Variants in GRM8 observed in about 807,000 individuals in gnomAD.
The protein encoded by GRM8 is metabotropic glutamate receptor 8.
Under a neutral mutation model 87.2 loss-of-function variants are expected in GRM8, and 47 were observed. The observed-to-expected ratio is 0.54, with a 90% CI of 0.43 to 0.69. The LOEUF (loss-of-function observed/expected upper bound fraction) is 0.69, where lower values mean the gene tolerates loss of function less well. GRM8 is among the 30% of genes least tolerant of loss of function. The probability of loss-of-function intolerance (pLI) is 0.00; values close to 1 mark genes in which losing one functional copy is unlikely to be tolerated. For synonymous variants in GRM8, 396 were observed against 404.5 expected (o/e 0.98, Z 0.25); for missense variants, 1,019 against 1,139.2 (o/e 0.89, Z 1.52).
At chr7:126,892,014 T>C (rs1310642791) in intron 6 of GRM8, among the ~76,000 whole-genome samples, 1 of 96,142 alleles carries the variant, frequency 1.0e-5, no homozygotes, top group Non-Finnish European at 1.9e-5. Flanking sequence ...CTCATGTTCT[T>C]GCAGGGTAAA....
At chr7:126,758,510 T>C (rs565374643) in intron 7 of GRM8, among the ~76,000 whole-genome samples, 137 of 152,052 alleles carry the variant, frequency 9.0e-4, no homozygotes, top group African/African-American at 3.3e-3. Context: ...AACAGAGAAA[T>C]ACTGGGGAGA....
chr7:126,517,941 T>C (rs1562909564), intron 9 of GRM8, among the ~76,000 whole-genome samples: 1 of 152,104 alleles, frequency 6.6e-6, no homozygotes, highest in Non-Finnish European at 1.5e-5. Context: ...ACAGCTTTTC[T>C]TGTTCCCAAT....
intron 3 of GRM8, among the ~76,000 whole-genome samples, chr7:127,073,110 C>T (rs1219924419): frequency 6.6e-6 from 1 of 152,056 alleles, no homozygotes; most frequent in East Asian, 1.9e-4. Flanking sequence ...CTTCCTCTGC[C>T]CAGAAGGCAG....
intron 3 of GRM8, among the ~76,000 whole-genome samples, chr7:126,919,070 C>T (rs1231118580): frequency 6.6e-6 from 1 of 151,870 alleles, no homozygotes; most frequent in Non-Finnish European, 1.5e-5. Context: ...TGAAAAGCAG[C>T]TTAGCTTGTT....
At chr7:126,888,507 C>T (rs1800704770) in intron 6 of GRM8, among the ~76,000 whole-genome samples, 1 of 152,138 alleles carries the variant, frequency 6.6e-6, no homozygotes, top group African/African-American at 2.4e-5. Context: ...CCTTCCTTCT[C>T]TAATGTCCTC....
chr7:126,501,522 G>A (rs1221120129), intron 9 of GRM8, among the ~76,000 whole-genome samples: 4 of 151,980 alleles, frequency 2.6e-5, no homozygotes, highest in African/African-American at 9.7e-5. Flanking sequence ...GAAGAAAGAG[G>A]AAAAGACAAT....
chr7:126,688,095 C>T (rs1388794317), intron 7 of GRM8, among the ~76,000 whole-genome samples: 1 of 152,068 alleles, frequency 6.6e-6, no homozygotes, highest in Non-Finnish European at 1.5e-5. Flanking sequence ...CTTTGTTTTT[C>T]ACTGTCTGAA....
At chr7:126,625,618 T>C (rs1170824881) in intron 7 of GRM8, among the ~76,000 whole-genome samples, 2 of 152,206 alleles carry the variant, frequency 1.3e-5, no homozygotes, top group Non-Finnish European at 2.9e-5. Flanking sequence ...AATAGCACTA[T>C]TTGAGAAACA....
At chr7:127,185,703 T>C (rs1794696335) in intron 2 of GRM8, among the ~76,000 whole-genome samples, 1 of 152,190 alleles carries the variant, frequency 6.6e-6, no homozygotes, top group Non-Finnish European at 1.5e-5. Flanking sequence ...GTCAATATTG[T>C]TTAAGAGAAC....
chr7:126,658,950 C>A (rs550319273), intron 7 of GRM8, among the ~76,000 whole-genome samples: 1 of 151,958 alleles, frequency 6.6e-6, no homozygotes, highest in Non-Finnish European at 1.5e-5. Context: ...GACAAGCGGC[C>A]GCTACAGTCA....
At chr7:127,141,616 T>A (rs1474730523) in intron 2 of GRM8, among the ~76,000 whole-genome samples, 4 of 152,250 alleles carry the variant, frequency 2.6e-5, no homozygotes, top group Admixed American at 2.0e-4. Flanking sequence ...CTACCTCATC[T>A]CCTTCCTTCT....
intron 6 of GRM8, among the ~76,000 whole-genome samples, chr7:126,820,755 C>G (rs532161206): frequency 6.6e-6 from 1 of 152,178 alleles, no homozygotes; most frequent in East Asian, 1.9e-4. Flanking sequence ...AATTTCCAAC[C>G]CTGCCATCTT....
chr7:127,015,208 G>T (rs1456011635), intron 3 of GRM8, among the ~76,000 whole-genome samples: 1 of 118,062 alleles, frequency 8.5e-6, no homozygotes, highest in African/African-American at 3.5e-5. Context: ...AGAAGAAGAA[G>T]AAGAAGAAGA....
intron 9 of GRM8, among the ~76,000 whole-genome samples, chr7:126,494,515 A>G (rs1466547158): frequency 6.6e-6 from 1 of 152,014 alleles, no homozygotes; most frequent in Non-Finnish European, 1.5e-5. Context: ...ATAAACAAAA[A>G]CAGTAAAATA....
intron 2 of GRM8, among the ~76,000 whole-genome samples, chr7:127,145,004 C>T (rs1278264950): frequency 6.6e-6 from 1 of 152,010 alleles, no homozygotes; most frequent in Non-Finnish European, 1.5e-5. Context: ...ATTAAGTCGA[C>T]AAACATTTGA....
At chr7:126,453,449 T>C (rs1802873706) in intron 9 of GRM8, among the ~76,000 whole-genome samples, 2 of 151,852 alleles carry the variant, frequency 1.3e-5, no homozygotes, top group East Asian at 3.9e-4. Context: ...AGACTACAGA[T>C]GCAGAGCAGG....
intron 2 of GRM8, among the ~76,000 whole-genome samples, chr7:127,190,431 C>A (rs549445951): frequency 6.6e-6 from 1 of 152,198 alleles, no homozygotes; most frequent in East Asian, 1.9e-4. Flanking sequence ...GTAGTCCCAG[C>A]TACTCAGGAT....
chr7:126,917,151 T>C (rs1224091069), intron 3 of GRM8, among the ~76,000 whole-genome samples: 1 of 152,076 alleles, frequency 6.6e-6, no homozygotes, highest in African/African-American at 2.4e-5. Context: ...AATATTTTTG[T>C]TTTTTGTGGA....
At chr7:126,761,191 CTA>C (rs781310343) in intron 7 of GRM8, among the ~76,000 whole-genome samples, 28 of 151,116 alleles carry the variant, frequency 1.9e-4, no homozygotes, top group Non-Finnish European at 3.4e-4. Context: ...AAGCGAGACT[CTA>C]TCTCTTAAAA....
Sources: gnomAD v4.1 joint callset for allele counts (sites outside exome capture counted in the v4.1 genomes callset) on GRCh38, gnomAD v4.1.1 for gene constraint, MANE v1.5 for transcripts, NCBI Gene and HGNC (gene_info 2026-07-23, HGNC 2026-07-21) for gene names.